CPED1: variants seen among roughly 807,000 people sequenced by gnomAD.
CPED1 encodes cadherin like and PC-esterase domain containing 1, also known as cadherin-like and PC-esterase domain-containing protein 1.
A neutral mutation model predicts 128.2 loss-of-function variants in CPED1; 114 were observed. The ratio of observed to expected loss-of-function variants is 0.89; its 90% confidence interval spans 0.76 to 1.04. CPED1 has a LOEUF of 1.04. Ranked by LOEUF, CPED1 falls within the 50% of genes least tolerant of loss-of-function variation. The pLI is 0.00. For synonymous variants in CPED1, 462 were observed against 426.7 expected, an observed-to-expected ratio of 1.08 and a Z score of -1.02; for missense variants, 1,211 against 1,207.1, an observed-to-expected ratio of 1.00 and a Z score of -0.05.
intron 22 of CPED1, among the ~76,000 whole-genome samples, chr7:121,279,106 AGAAATACT>A (rs1383889334): frequency 1.3e-5 from 2 of 152,252 alleles, no homozygotes; most frequent in East Asian, 3.9e-4. Flanking sequence ...TTGTTTTTTG[AGAAATACT>A]GAATACACCT....
intron 8 of CPED1, among the ~76,000 whole-genome samples, chr7:121,125,579 GGTTA>G (rs1795483214): frequency 1.3e-5 from 2 of 152,026 alleles, no homozygotes; most frequent in African/African-American, 4.8e-5. Context: ...TCTGTTCCTG[GGTTA>G]GTTTGCTGAG....
chr7:120,994,432 G>A (rs1796358909), intron 2 of CPED1, among the ~76,000 whole-genome samples: 1 of 152,166 alleles, frequency 6.6e-6, no homozygotes, highest in Admixed American at 6.5e-5. Flanking sequence ...AAAAGCTTCT[G>A]TGAGACAGAC....
chr7:121,128,410 A>G lies in CPED1; in HGVS notation c.1331A>G (p.Gln444Arg), dbSNP rs201639191. 38 of 1,598,398 alleles carry G rather than the reference A, an allele frequency of 2.4e-5. No individual in the cohort carries two copies. In the Admixed American group the frequency reaches 5.2e-4, roughly 22 times the overall value. ...GAAAACTATCAAAAGGAACTAAATC[A>G]GTGTCTGTCCTTAGAAGAAATTAAC... ...KGENYQKELN[Q>R]CLSLEEINSI... Residue 444 changes from glutamine (Q) to arginine (R), a missense_variant, in exon 11 of 23, where the codon CAG becomes CGG. Transcript: ENST00000310396.
At chr7:121,172,412 A>G (rs1796667107) in intron 16 of CPED1, among the ~76,000 whole-genome samples, 1 of 151,942 alleles carries the variant, frequency 6.6e-6, no homozygotes, top group Non-Finnish European at 1.5e-5. Context: ...ATGTGGAACA[A>G]CTAGAGATAT....
In CPED1 at chr7:121,136,366, A is replaced by T. The variant is rs1795782984; in HGVS notation, c.1699+276A>T. On this transcript the variant is annotated intron_variant, in intron 14 of 22. Coordinates refer to ENST00000310396, the MANE Select transcript of CPED1 (RefSeq NM_024913.5). Reference sequence around the variant, plus strand: ...GGGCATTGCCTTGGAAGCCTTTCAGATGTAAGAGCTTGGCTTATCAGCTTT... The same window carrying T: ...GGGCATTGCCTTGGAAGCCTTTCAGTTGTAAGAGCTTGGCTTATCAGCTTT... Among the ~76,000 whole-genome samples, 3 of 152,056 alleles carry T rather than the reference A, an allele frequency of 2.0e-5. No homozygotes were observed. The South Asian group carries it at 6.2e-4, about 31-fold the overall frequency.
chr7:121,049,645 C>A (rs1341031852), intron 4 of CPED1, among the ~76,000 whole-genome samples: 1 of 152,186 alleles, frequency 6.6e-6, no homozygotes, highest in Non-Finnish European at 1.5e-5. Flanking sequence ...TAACAATACC[C>A]TTTTCTTATC....
chr7:121,293,167 A>G (rs1387834743), intron 22 of CPED1, among the ~76,000 whole-genome samples: 1 of 152,134 alleles, frequency 6.6e-6, no homozygotes, highest in Non-Finnish European at 1.5e-5. Context: ...TGAGAGTTTT[A>G]TCTATAAGCC....
At chr7:120,999,218 T>C (rs1207251792) in intron 2 of CPED1, among the ~76,000 whole-genome samples, 1 of 152,196 alleles carries the variant, frequency 6.6e-6, no homozygotes, top group African/African-American at 2.4e-5. Context: ...CCTGTACAAG[T>C]ATCCCTTGAT....
intron 5 of CPED1, among the ~76,000 whole-genome samples, chr7:121,080,049 T>A (rs1794245282): frequency 6.6e-6 from 1 of 152,230 alleles, no homozygotes; most frequent in Admixed American, 6.5e-5. Flanking sequence ...AACATAGATG[T>A]GTAGCAGTGT....
intron 18 of CPED1, among the ~76,000 whole-genome samples, chr7:121,251,913 C>T (rs929227241): frequency 1.1e-4 from 16 of 151,658 alleles, no homozygotes; most frequent in African/African-American, 1.5e-4. Flanking sequence ...GATTCAATGC[C>T]ATCCCCATCA....
intron 22 of CPED1, among the ~76,000 whole-genome samples, chr7:121,281,368 G>C (rs1303370628): frequency 6.6e-6 from 1 of 152,130 alleles, no homozygotes; most frequent in Admixed American, 6.6e-5. Context: ...GCAATGTTAA[G>C]TTTGGTTTCA....
At chr7:121,010,085 C>G (rs1792120849) in intron 2 of CPED1, among the ~76,000 whole-genome samples, 1 of 152,026 alleles carries the variant, frequency 6.6e-6, no homozygotes, top group Non-Finnish European at 1.5e-5. Context: ...CCTCATGGAA[C>G]AGAGTAGTAG....
intron 16 of CPED1, among the ~76,000 whole-genome samples, chr7:121,231,590 G>A (rs71569059): frequency 0.035 from 5,340 of 152,148 alleles, 117 homozygotes; most frequent in Non-Finnish European, 0.051. Context: ...TTTTGCCGGC[G>A]TCACTGACAG....
chr7:121,113,136 A>G (rs1795152591), intron 7 of CPED1, among the ~76,000 whole-genome samples: 1 of 152,228 alleles, frequency 6.6e-6, no homozygotes, highest in Admixed American at 6.5e-5. Context: ...GTTTGTTCAT[A>G]TGATCATGGA....
chr7:121,219,624 C>T lies in CPED1; in HGVS notation c.2056-17090C>T, dbSNP rs536077949. Among the ~76,000 whole-genome samples the T allele has an allele frequency of 4.6e-5, 7 of 152,102 alleles. No individual in the cohort carries two copies. In the South Asian group the frequency reaches 1.5e-3, roughly 32 times the overall value. On this transcript the variant is annotated intron_variant, in intron 16 of 22. Coordinates refer to ENST00000310396, the MANE Select transcript of CPED1 (RefSeq NM_024913.5). ...TCTTTCACAGTATAATGAATAGCCA[C>T]TTTTCAGCTGATATATGTTTAGGGA...
At chr7:121,197,016 C>A (rs1352174830) in intron 16 of CPED1, among the ~76,000 whole-genome samples, 1 of 151,898 alleles carries the variant, frequency 6.6e-6, no homozygotes, top group Non-Finnish European at 1.5e-5. Flanking sequence ...TTTGCTTCTC[C>A]AGAATTGCAC....
chr7:121,210,932 A>G (rs963099944), intron 16 of CPED1, among the ~76,000 whole-genome samples: 3 of 152,140 alleles, frequency 2.0e-5, no homozygotes, highest in South Asian at 2.1e-4. Context: ...CAAGTATTGT[A>G]TATTAGTATC....
intron 16 of CPED1, chr7:121,195,115 A>G (rs750593819): frequency 3.3e-5 from 5 of 152,150 alleles, no homozygotes; most frequent in South Asian, 2.1e-4. Context: ...ATAAAGTACC[A>G]TACTAAAGTC....
At chr7:121,108,593 A>G (rs769631054) in intron 7 of CPED1, among the ~76,000 whole-genome samples, 13 of 151,946 alleles carry the variant, frequency 8.6e-5, no homozygotes, top group South Asian at 2.1e-4. Flanking sequence ...TACATTTTGT[A>G]ATGTTTTTTT....
Sources: gnomAD v4.1 joint callset for allele counts (sites outside exome capture counted in the v4.1 genomes callset) on GRCh38, gnomAD v4.1.1 for gene constraint, MANE v1.5 for transcripts, NCBI Gene and HGNC (gene_info 2026-07-23, HGNC 2026-07-21) for gene names.